The following JAG2 variants were observed in gnomAD, a reference collection of about 807,000 sequenced individuals.
The protein encoded by JAG2 is protein jagged-2.
Under a neutral mutation model 141.7 loss-of-function variants are expected in JAG2, and 46 were observed. That is an observed-to-expected ratio of 0.32 (90% CI 0.26 to 0.42). The LOEUF is 0.42. JAG2 is among the 10% of genes least tolerant of loss of function. JAG2 has a pLI of 1.00. For missense variants in JAG2, 1,500 were observed against 1,817.5 expected, an observed-to-expected ratio of 0.83 and a Z score of 3.18; for synonymous variants, 862 against 763.5, an observed-to-expected ratio of 1.13 and a Z score of -2.13.
chr14:105,155,700 C>T (rs1456874027), intron 4 of JAG2, 38 bp downstream of exon 4: 2 of 1,612,386 alleles, frequency 1.2e-6, no homozygotes, highest in South Asian at 2.2e-5. Flanking sequence ...CTGCCCGAGG[C>T]CCTCCCTGCC....
chr14:105,156,042 G>A, intron 3 of JAG2, 53 bp from the exon 4 acceptor site: 13 of 1,589,538 alleles, frequency 8.2e-6, no homozygotes, highest in Non-Finnish European at 1.1e-5. Flanking sequence ...CCGGCCAGGG[G>A]TCCTCCAGGA....
chr14:105,150,791 C>A lies in JAG2; in HGVS notation c.1429-14G>T. On this transcript the variant is annotated splice_polypyrimidine_tract_variant and intron_variant, in intron 11 of 25. Coordinates refer to ENST00000331782, the MANE Select transcript of JAG2 (RefSeq NM_002226.5). ...GTTCACCAGGTCCTGGGCGGGCCAG[C>A]CAGGTGAGCGTCCCGCAGGCACCCT... is the stretch of plus-strand genomic sequence containing the variant. 1 of 1,582,174 alleles carries A rather than the reference C, an allele frequency of 6.3e-7. No individual in the cohort carries two copies. The highest frequency in any genetic ancestry group is 8.6e-7 in the Non-Finnish European group (1 of 1,164,666).
chr14:105,150,720 C>A lies in JAG2; in HGVS notation c.1486G>T (p.Glu496Ter), dbSNP rs866762565. ...CPRGFGGRHCELERDECASSP... is the reference protein window; with the variant it reads ...CPRGFGGRHC ...CTGGCACACTCGTCTCGTTCCAGCT[C>A]GCAATGCCGGCCTCCGAAGCCCCGT... Residue 496 changes from glutamate (E) to a stop codon, truncating the protein, a stop_gained, in exon 12 of 26, where the codon GAG (glutamate) becomes TAG (stop). Transcript: ENST00000331782. LOFTEE classifies it high-confidence loss of function. The A allele has an allele frequency of 6.4e-7, 1 of 1,572,178 alleles. No homozygotes were observed. Among genetic ancestry groups the A allele is most frequent in the Admixed American group, 1.9e-5 (1 of 53,788 alleles).
chr14:105,157,912 T>A, intron 2 of JAG2, 149 bp from the exon 3 acceptor site: 1 of 743,576 alleles, frequency 1.3e-6, no homozygotes, highest in South Asian at 1.5e-5. Context: ...ACCCTCCTCA[T>A]CCTCAGGCCA....
intron 1 of JAG2, 111 bp downstream of exon 1, chr14:105,168,241 CGCA>C: frequency 1.2e-6 from 1 of 811,864 alleles, no homozygotes; most frequent in East Asian, 1.0e-4. Context: ...AGCCGCCGCG[CGCA>C]GCCTCGAGGG....
intron 3 of JAG2, among the ~76,000 whole-genome samples, chr14:105,157,183 G>A (rs962326435): frequency 6.6e-6 from 1 of 152,140 alleles, no homozygotes; most frequent in Non-Finnish European, 1.5e-5. Flanking sequence ...CCTCTCAGTG[G>A]CTTGCCAGCC....
At chr14:105,155,022 A>C (rs1566765996) in intron 5 of JAG2, among the ~76,000 whole-genome samples, 1 of 33,000 alleles carries the variant, frequency 3.0e-5, no homozygotes, top group Non-Finnish European at 5.7e-5. Context: ...CACATGCCCC[A>C]CAGCGGCCTC....
intron 3 of JAG2, 68 bp downstream of exon 3, chr14:105,157,638 G>T: frequency 7.4e-7 from 1 of 1,354,520 alleles, no homozygotes; most frequent in Non-Finnish European, 1.0e-6. Flanking sequence ...AGCAGACAGA[G>T]GAGCTGGGCC....
chr14:105,153,499 C>G (rs894437426), intron 5 of JAG2, among the ~76,000 whole-genome samples: 1 of 152,226 alleles, frequency 6.6e-6, no homozygotes, highest in South Asian at 2.1e-4. Context: ...GGCGTGCTCT[C>G]GACCCTGGGC....
Position 105,151,332 on chromosome 14 carries a change from G to A in JAG2, c.1218C>T (p.Gly406=), listed in dbSNP as rs1382002150. The A allele has an allele frequency of 2.5e-6, 4 of 1,612,602 alleles. No homozygotes were observed. The African/African-American group carries it at 5.3e-5, about 22-fold the overall frequency. ...AGGTCVDQVD[G]FECICPEQWV... is the part of the protein sequence containing the mutation. ...ACTGCTCGGGGCAGATGCACTCAAA[G>A]CCGTCCACCTGGTCCACACAGGTGC... The change falls in exon 9 of 26, where the codon GGC becomes GGT. Residue 406 remains glycine, a synonymous_variant. Coordinates refer to ENST00000331782, the MANE Select transcript of JAG2 (RefSeq NM_002226.5).
At position 105,142,639 on chromosome 14, in the gene JAG2, C is replaced by T; in HGVS notation, c.*56G>A. On this transcript the variant is annotated 3_prime_UTR_variant, in exon 26 of 26. Transcript: ENST00000331782. ...ACATGGCCTCGGCCTCCGGGTCCGG[C>T]AGACGGCATGGCTCCCACCGAGGGC... 2.2e-6 allele frequency: 3 copies of T among 1,381,542 alleles called. No homozygotes were observed. Among genetic ancestry groups the T allele is most frequent in the Non-Finnish European group, 3.0e-6 (3 of 1,002,644 alleles). 85.6% of individuals were successfully genotyped at this position (1,381,542 alleles called of 1,614,324 possible).
Position 105,168,057 on chromosome 14 carries a change from G to A in JAG2, c.117C>T (p.Asn39=). 2 of 1,590,990 alleles carry A rather than the reference G, an allele frequency of 1.3e-6. No homozygotes were observed. Residue 39 remains asparagine (N), a synonymous_variant, in exon 2 of 26, where the codon AAC becomes AAT. Coordinates refer to ENST00000331782, the MANE Select transcript of JAG2 (RefSeq NM_002226.5). Reference sequence around the variant, plus strand: ...CGCCGCTCAGCAGCTCCCCGTTCACGTTCCGCAGCGCGCTCAGCTGCAGCT... The same window carrying A: ...CGCCGCTCAGCAGCTCCCCGTTCACATTCCGCAGCGCGCTCAGCTGCAGCT... ...YFELQLSALR[N]VNGELLSGAC...
Position 105,148,314 on chromosome 14 carries a change from G to T in JAG2, c.2134+12C>A. ...GGGCAGCCCCAGGCGGCCAGGGCCT[G>T]CGGACACTCACGTGAGTGGCAGGTC... On this transcript the variant is annotated intron_variant, in intron 16 of 25. Transcript: ENST00000331782. 1 of 1,606,854 alleles carries T rather than the reference G, an allele frequency of 6.2e-7. No homozygotes were observed. The highest frequency in any genetic ancestry group is 8.5e-7 in the Non-Finnish European group (1 of 1,176,236).
chr14:105,148,897 G>A, intron 14 of JAG2, 39 bp from the exon 15 acceptor site: 3 of 1,593,190 alleles, frequency 1.9e-6, no homozygotes, highest in Non-Finnish European at 8.5e-7. Context: ...CCTCAGGCCA[G>A]CCCAGCCCCA....
At chr14:105,145,352 G>T (rs1888191848) in intron 23 of JAG2, among the ~76,000 whole-genome samples, 2 of 152,190 alleles carry the variant, frequency 1.3e-5, no homozygotes, top group African/African-American at 4.8e-5. Flanking sequence ...CCAGTTCTGA[G>T]CCCCTCCTGG....
chr14:105,151,934 G>C lies in JAG2; in HGVS notation c.1039+4C>G. ...AGAATTTGGGTGGCCAGCCCCCCAC[G>C]TACCCTTCTCACAGTTCCTGCCCGA... On this transcript the variant is annotated splice_donor_region_variant and intron_variant, in intron 7 of 25. Transcript: ENST00000331782. The C allele has an allele frequency of 6.2e-7, 1 of 1,612,806 alleles. No homozygotes were observed. Among genetic ancestry groups the C allele is most frequent in the Non-Finnish European group, 8.5e-7 (1 of 1,179,988 alleles).
chr14:105,161,838 G>A (rs1158201334), intron 2 of JAG2, among the ~76,000 whole-genome samples: 1 of 151,390 alleles, frequency 6.6e-6, no homozygotes, highest in East Asian at 1.9e-4. Context: ...TCTGCGAATA[G>A]CAACCTCTCA....
At chr14:105,161,361 C>T (rs1421755141) in intron 2 of JAG2, among the ~76,000 whole-genome samples, 1 of 152,130 alleles carries the variant, frequency 6.6e-6, no homozygotes, top group Non-Finnish European at 1.5e-5. Context: ...GCAGCTCTGG[C>T]CACGGGGCAG....
At position 105,146,362 on chromosome 14, in the gene JAG2, G is replaced by A. The variant is rs773108436; in HGVS notation, c.2709+23C>T. 5.6e-6 allele frequency: 9 copies of A among 1,592,974 alleles called. No individual in the cohort carries two copies. The Admixed American group carries it at 1.0e-4, about 18-fold the overall frequency. ...CGTGCACCAGCCTCGGGTAGGGCAG[G>A]GCGGCTCACGGGCTGCCCTCACCTT... On this transcript the variant is annotated intron_variant, in intron 22 of 25. Coordinates refer to ENST00000331782, the MANE Select transcript of JAG2 (RefSeq NM_002226.5).
Sources: gnomAD v4.1 joint callset for allele counts (sites outside exome capture counted in the v4.1 genomes callset) on GRCh38, gnomAD v4.1.1 for gene constraint, MANE v1.5 for transcripts, NCBI Gene and HGNC (gene_info 2026-07-23, HGNC 2026-07-21) for gene names.